Variants in NCOA1 observed in about 807,000 individuals in gnomAD.
NCOA1 encodes the protein nuclear receptor coactivator 1.
NCOA1 carries 35 observed loss-of-function variants against 150.9 expected under a neutral mutation model. The ratio of observed to expected loss-of-function variants is 0.23; its 90% confidence interval spans 0.18 to 0.31. NCOA1 has a LOEUF of 0.31. NCOA1 is among the 10% of genes least tolerant of loss of function. NCOA1 has a pLI of 1.00. For missense variants in NCOA1, 1,491 were observed against 1,749.3 expected (o/e 0.85, Z 2.63); for synonymous variants, 590 against 630.0 (o/e 0.94, Z 0.95).
chr2:24,695,974 GT>G (rs1308723632), intron 10 of NCOA1, among the ~76,000 whole-genome samples: 1 of 152,140 alleles, frequency 6.6e-6, no homozygotes, highest in African/African-American at 2.4e-5. Flanking sequence ...TTATGTAGCA[GT>G]GGAATCCCTG....
intron 4 of NCOA1, among the ~76,000 whole-genome samples, chr2:24,652,458 T>TAA (rs1433573736): frequency 1.3e-5 from 2 of 152,146 alleles, no homozygotes; most frequent in African/African-American, 4.8e-5. Context: ...TCACTATATA[T>TAA]AAATGCTTCT....
At chr2:24,584,956 G>A (rs1202302817) in intron 3 of NCOA1, among the ~76,000 whole-genome samples, 2 of 152,206 alleles carry the variant, frequency 1.3e-5, no homozygotes, top group African/African-American at 4.8e-5. Flanking sequence ...AAAATGGTAT[G>A]TGACTTTTCC....
chr2:24,556,095 C>T (rs918440542), intron 1 of NCOA1: 4 of 152,204 alleles, frequency 2.6e-5, no homozygotes, highest in African/African-American at 9.7e-5. Context: ...CCTATCAACC[C>T]ATCACCTAGG....
chr2:24,602,104 C>T (rs969104435), intron 3 of NCOA1, among the ~76,000 whole-genome samples: 14 of 152,168 alleles, frequency 9.2e-5, no homozygotes, highest in African/African-American at 3.4e-4. Context: ...AACCCTGGAA[C>T]TTAATGTAGC....
rs936021681 is a variant in NCOA1 at position 24,514,324 on chromosome 2, A to AC, written c.-396+22722_-396+22723insC. Among the ~76,000 whole-genome samples, 7 of 151,286 alleles carry AC rather than the reference A, an allele frequency of 4.6e-5. 1 individual carries two copies. The highest frequency in any genetic ancestry group is 1.7e-4 in the African/African-American group (7 of 41,302). ...AAAAAAAAGGAAAAAAACAAAAAGA[A>AC]AAAAAGAAAAATAGCAAAATTTTTT... is the stretch of plus-strand genomic sequence containing the variant. On this transcript the variant is annotated intron_variant, in intron 1 of 22. Coordinates refer to ENST00000348332, the MANE Select transcript of NCOA1 (RefSeq NM_003743.5).
intron 3 of NCOA1, among the ~76,000 whole-genome samples, chr2:24,587,563 T>G (rs979862237): frequency 6.6e-6 from 1 of 152,210 alleles, no homozygotes; most frequent in Admixed American, 6.5e-5. Flanking sequence ...AGAACAGATT[T>G]TTGTTGTTGT....
At chr2:24,642,037 T>TGTGTGTGTGTGTGTGTGTGTGTGCGC (rs942145000) in intron 3 of NCOA1, among the ~76,000 whole-genome samples, 16 of 138,558 alleles carry the variant, frequency 1.2e-4, no homozygotes, top group East Asian at 2.8e-4. Context: ...TGTGTGTGTG[T>TGTGTGTGTGTGTGTGTGTGTGTGCGC]GCGCGCGTGC....
intron 10 of NCOA1, among the ~76,000 whole-genome samples, chr2:24,695,852 C>T (rs1237092260): frequency 5.3e-5 from 8 of 152,110 alleles, no homozygotes; most frequent in Admixed American, 4.6e-4. Context: ...TCCTGCCAGT[C>T]CCCAAACTCT....
chr2:24,739,997 A>G (rs1460133967), intron 18 of NCOA1, among the ~76,000 whole-genome samples: 1 of 151,650 alleles, frequency 6.6e-6, no homozygotes, highest in African/African-American at 2.4e-5. Context: ...ACCCAGAGCC[A>G]TTAGAACTTT....
At chr2:24,526,283 A>G (rs1664648510) in intron 1 of NCOA1, among the ~76,000 whole-genome samples, 1 of 151,854 alleles carries the variant, frequency 6.6e-6, no homozygotes, top group East Asian at 1.9e-4. Context: ...TAATGGCTCT[A>G]TTCCACATTT....
chr2:24,717,293 A>G (rs1458738833), intron 14 of NCOA1, among the ~76,000 whole-genome samples: 1 of 152,146 alleles, frequency 6.6e-6, no homozygotes, highest in Non-Finnish European at 1.5e-5. Context: ...TCACACAAAA[A>G]CCTGCACATG....
chr2:24,610,525 C>T (rs1668576727), intron 3 of NCOA1, among the ~76,000 whole-genome samples: 1 of 151,918 alleles, frequency 6.6e-6, no homozygotes, highest in African/African-American at 2.4e-5. Flanking sequence ...TATGATTTTA[C>T]TTGTGATGTT....
At position 24,707,036 on chromosome 2, in the gene NCOA1, A is replaced by G; in HGVS notation, c.1566A>G (p.Thr522=). The change falls in exon 13 of 23, where the codon ACA becomes ACG. Residue 522 remains threonine, a synonymous_variant. Transcript: ENST00000348332. ...ISTLSSPVGM[T]SSACNNNNRS... ...CATTAAGCTCTCCCGTTGGCATGAC[A>G]AGTAGTGCCTGTAATAATAATAACC... 1 of 1,614,198 alleles carries G rather than the reference A, an allele frequency of 6.2e-7. No homozygotes were observed. The highest frequency in any genetic ancestry group is 8.5e-7 in the Non-Finnish European group (1 of 1,180,026).
intron 3 of NCOA1, among the ~76,000 whole-genome samples, chr2:24,637,481 C>T (rs1288288017): frequency 2.6e-5 from 4 of 151,384 alleles, no homozygotes; most frequent in African/African-American, 4.9e-5. Flanking sequence ...GAAAATGTGG[C>T]ACATATACAC....
intron 6 of NCOA1, among the ~76,000 whole-genome samples, chr2:24,668,899 C>T (rs897640251): frequency 2.6e-5 from 4 of 151,714 alleles, no homozygotes; most frequent in Non-Finnish European, 5.9e-5. Flanking sequence ...TTAAACTATA[C>T]GTAAGATCTG....
chr2:24,666,696 G>T (rs1311134092), intron 6 of NCOA1, among the ~76,000 whole-genome samples: 3 of 150,966 alleles, frequency 2.0e-5, no homozygotes, highest in Admixed American at 6.6e-5. Flanking sequence ...GCAGTGGTGC[G>T]ATCTCTGCTC....
chr2:24,747,120 C>G (rs985036008), intron 19 of NCOA1, among the ~76,000 whole-genome samples: 9 of 151,822 alleles, frequency 5.9e-5, no homozygotes, highest in Non-Finnish European at 1.2e-4. Flanking sequence ...AACAACAAAA[C>G]AAACCACAAA....
chr2:24,498,694 T>G (rs1663328142), intron 1 of NCOA1, among the ~76,000 whole-genome samples: 1 of 152,060 alleles, frequency 6.6e-6, no homozygotes, highest in South Asian at 2.1e-4. Flanking sequence ...GAGGGAAGCA[T>G]ATCGTCTAGG....
At chr2:24,748,417 C>G (rs1407287259) in intron 19 of NCOA1, among the ~76,000 whole-genome samples, 3 of 152,042 alleles carry the variant, frequency 2.0e-5, no homozygotes, top group Non-Finnish European at 4.4e-5. Context: ...CAAGACCAGC[C>G]TCACCAATAT....
Sources: allele counts gnomAD v4.1 joint callset (sites outside exome capture counted in the v4.1 genomes callset), GRCh38; gene constraint gnomAD v4.1.1; transcripts MANE v1.5; gene names NCBI Gene and HGNC (gene_info 2026-07-23, HGNC 2026-07-21).